Variants in SPIDR observed in about 807,000 individuals in gnomAD.
The protein encoded by SPIDR is DNA repair-scaffolding protein.
In SPIDR, 93 loss-of-function variants were observed where a neutral mutation model predicts 104.6. The observed-to-expected ratio is 0.89, with a 90% CI of 0.75 to 1.06. The LOEUF is 1.06. Among genes scored for constraint, SPIDR ranks in the 50% least tolerant of loss-of-function variants. The pLI, the probability that SPIDR is intolerant of heterozygous loss-of-function variation, is 0.00. For synonymous variants in SPIDR, 431 were observed against 416.9 expected (o/e 1.03, Z -0.41); for missense variants, 1,154 against 1,111.2 (o/e 1.04, Z -0.55).
chr8:47,678,498 C>T (rs1254367787), intron 11 of SPIDR, among the ~76,000 whole-genome samples: 2 of 152,194 alleles, frequency 1.3e-5, no homozygotes, highest in African/African-American at 4.8e-5. Flanking sequence ...ACACTCAGAG[C>T]AGCATGGAAG....
At chr8:47,539,696 A>G (rs2087717920) in intron 8 of SPIDR, among the ~76,000 whole-genome samples, 1 of 151,850 alleles carries the variant, frequency 6.6e-6, no homozygotes. Context: ...AGTCCTGGGA[A>G]GTGGGGTTTG....
At chr8:47,732,104 C>T (rs774520079) in intron 19 of SPIDR, 28 of 702,072 alleles carry the variant, frequency 4.0e-5, no homozygotes, top group African/African-American at 2.4e-4. Context: ...GCTTGACACC[C>T]GTTCCAATCC....
At position 47,658,044 on chromosome 8, in the gene SPIDR, A is replaced by G. The variant is rs796832024; in HGVS notation, c.1545-15757A>G. Among the ~76,000 whole-genome samples the G allele has an allele frequency of 3.9e-3, 573 of 146,376 alleles. 3 individuals carry two copies. Among genetic ancestry groups the G allele is most frequent in the African/African-American group, 0.01 (380 of 37,760 alleles). On this transcript the variant is annotated intron_variant, in intron 10 of 19. Transcript: ENST00000297423. Reference sequence around the variant, plus strand: ...GACCCTGTCTCAAAAAAAAAAAAAAAAAAAAGAAAAAGAAAAAGAAAAAAA... The same window carrying G: ...GACCCTGTCTCAAAAAAAAAAAAAAGAAAAAGAAAAAGAAAAAGAAAAAAA...
chr8:47,450,430 T>C (rs2071495269), intron 8 of SPIDR, among the ~76,000 whole-genome samples: 1 of 152,172 alleles, frequency 6.6e-6, no homozygotes, highest in South Asian at 2.1e-4. Context: ...CTCCCAATAC[T>C]GCTGCATTGG....
chr8:47,648,659 T>C (rs886988953), intron 10 of SPIDR, among the ~76,000 whole-genome samples: 1 of 152,122 alleles, frequency 6.6e-6, no homozygotes, highest in Admixed American at 6.5e-5. Context: ...ATTCCAAGTT[T>C]GGATGAGATA....
chr8:47,335,895 T>C (rs936108735), intron 5 of SPIDR, among the ~76,000 whole-genome samples: 6 of 152,134 alleles, frequency 3.9e-5, no homozygotes, highest in Non-Finnish European at 7.3e-5. Flanking sequence ...TTTCTGTAGT[T>C]GAAAAATGAT....
At chr8:47,557,934 A>C (rs1355140334) in intron 8 of SPIDR, among the ~76,000 whole-genome samples, 6 of 152,226 alleles carry the variant, frequency 3.9e-5, no homozygotes, top group Non-Finnish European at 8.8e-5. Flanking sequence ...CTAGATTAAA[A>C]AAAATGTGGT....
chr8:47,631,667 T>C (rs2067096372), intron 10 of SPIDR, among the ~76,000 whole-genome samples: 1 of 152,230 alleles, frequency 6.6e-6, no homozygotes, highest in Non-Finnish European at 1.5e-5. Flanking sequence ...TATTTGACTC[T>C]TCAAAGTCAC....
At chr8:47,427,092 T>G (rs1754475368) in intron 7 of SPIDR, among the ~76,000 whole-genome samples, 1 of 152,126 alleles carries the variant, frequency 6.6e-6, no homozygotes, top group Non-Finnish European at 1.5e-5. Flanking sequence ...CAAGAGAAAC[T>G]GAAATCATAT....
intron 10 of SPIDR, chr8:47,659,646 G>C: frequency 1.2e-6 from 1 of 854,594 alleles, no homozygotes; most frequent in Non-Finnish European, 1.4e-6. Context: ...CCTCGCTCTG[G>C]CCCTTCTCGC....
intron 8 of SPIDR, among the ~76,000 whole-genome samples, chr8:47,513,795 T>A (rs1468601300): frequency 1.3e-5 from 2 of 152,198 alleles, no homozygotes; most frequent in Non-Finnish European, 2.9e-5. Context: ...TGGCATGGGA[T>A]CTATGTTAAT....
At chr8:47,508,656 A>T (rs1255367030) in intron 8 of SPIDR, among the ~76,000 whole-genome samples, 2 of 152,218 alleles carry the variant, frequency 1.3e-5, no homozygotes, top group African/African-American at 4.8e-5. Context: ...GCATAGGTCA[A>T]GACACAACTG....
At chr8:47,329,587 G>A (rs942223591) in intron 5 of SPIDR, among the ~76,000 whole-genome samples, 1 of 152,142 alleles carries the variant, frequency 6.6e-6, no homozygotes, top group African/African-American at 2.4e-5. Context: ...CCTTAGATTT[G>A]TTACTAGTTT....
At chr8:47,283,605 A>G (rs1029285573) in intron 2 of SPIDR, among the ~76,000 whole-genome samples, 23 of 152,238 alleles carry the variant, frequency 1.5e-4, no homozygotes, top group Admixed American at 9.2e-4. Context: ...TGCTTTATCT[A>G]TGAAGCACAA....
chr8:47,396,408 A>G lies in SPIDR; in HGVS notation c.558A>G (p.Ser186=). The change falls in exon 6 of 20, where the codon TCA becomes TCG. Residue 186 remains serine (S), a synonymous_variant. Coordinates refer to ENST00000297423, the MANE Select transcript of SPIDR (RefSeq NM_001080394.4). ...PSSIEILEYS[S]DSEKEDDLEN... is the part of the protein sequence containing the mutation. ...CTATAGAAATTTTAGAGTATTCATC[A>G]GATAGTGAAAAAGAAGATGATTTGG... is the stretch of plus-strand genomic sequence containing the variant. 6.2e-7 allele frequency: 1 copy of G among 1,611,062 alleles called. No individual in the cohort carries two copies.
At chr8:47,381,790 G>A (rs533425137) in intron 5 of SPIDR, among the ~76,000 whole-genome samples, 2 of 152,328 alleles carry the variant, frequency 1.3e-5, no homozygotes, top group South Asian at 4.1e-4. Flanking sequence ...CCGCCCCGTG[G>A]CACGCCTTTG....
chr8:47,548,635 G>A (rs920628433), intron 8 of SPIDR, among the ~76,000 whole-genome samples: 11 of 152,092 alleles, frequency 7.2e-5, no homozygotes, highest in South Asian at 2.1e-4. Flanking sequence ...GCAACAGAGC[G>A]GAACTTCATC....
At chr8:47,486,006 C>T (rs955520923) in intron 8 of SPIDR, among the ~76,000 whole-genome samples, 41 of 152,132 alleles carry the variant, frequency 2.7e-4, no homozygotes, top group Admixed American at 4.6e-4. Context: ...CAGAGAATGA[C>T]GACTTTGACG....
chr8:47,529,141 GC>G (rs1024042534), intron 8 of SPIDR, among the ~76,000 whole-genome samples: 1 of 152,144 alleles, frequency 6.6e-6, no homozygotes, highest in African/African-American at 2.4e-5. Flanking sequence ...ATTAAAGGAG[GC>G]CGGGCCCGGT....
Sources: gnomAD v4.1 joint callset for allele counts (sites outside exome capture counted in the v4.1 genomes callset) on GRCh38, gnomAD v4.1.1 for gene constraint, MANE v1.5 for transcripts, NCBI Gene and HGNC (gene_info 2026-07-23, HGNC 2026-07-21) for gene names.